The following EPS15 variants were observed in gnomAD, a reference collection of about 807,000 sequenced individuals.
EPS15 encodes epidermal growth factor receptor substrate 15.
A neutral mutation model predicts 113.8 loss-of-function variants in EPS15; 72 were observed. The observed-to-expected ratio is 0.63, with a 90% confidence interval of 0.52 to 0.77. The LOEUF (loss-of-function observed/expected upper bound fraction) is 0.77. EPS15 is among the 30% of genes least tolerant of loss of function. The probability of loss-of-function intolerance (pLI) is 0.00; values close to 1 mark genes in which losing one functional copy is unlikely to be tolerated. For missense variants in EPS15, 1,048 were observed against 1,045.8 expected (o/e 1.00, Z -0.03); for synonymous variants, 344 against 363.4 (o/e 0.95, Z 0.61).
At chr1:51,478,014 ACTGT>A (rs1402975598) in intron 2 of EPS15, among the ~76,000 whole-genome samples, 1 of 151,886 alleles carries the variant, frequency 6.6e-6, no homozygotes, top group African/African-American at 2.4e-5. Flanking sequence ...ATCCTTGTTA[ACTGT>A]CTGTCTCACT....
In EPS15 at chr1:51,519,183, G is replaced by A. The variant is rs773388975; in HGVS notation, c.33+16C>T. The A allele has an allele frequency of 2.1e-6, 3 of 1,440,800 alleles. No homozygotes were observed. Among genetic ancestry groups the A allele is most frequent in the South Asian group, 2.9e-5 (2 of 68,160 alleles). The allele number at this position is 1,440,800 out of a possible 1,614,324, so 89.3% of individuals were successfully genotyped here. On this transcript the variant is annotated intron_variant, in intron 1 of 24. Coordinates refer to ENST00000371733, the MANE Select transcript of EPS15 (RefSeq NM_001981.3). ...CACCGGCCGGCCAAGCCCGGCGGAC[G>A]GGCGTGTGGCGTTACCTGTGTCAGA...
intron 1 of EPS15, chr1:51,490,312 T>C (rs557524897): frequency 2.2e-6 from 1 of 447,486 alleles, no homozygotes; most frequent in Non-Finnish European, 4.5e-6. Context: ...ACACCTATAA[T>C]CCCAGCACTC....
intron 21 of EPS15, among the ~76,000 whole-genome samples, chr1:51,388,717 GAAGA>G (rs1647165984): frequency 2.0e-5 from 3 of 152,168 alleles, no homozygotes; most frequent in Admixed American, 1.3e-4. Context: ...AGAAAATCTA[GAAGA>G]AATGGATAAA....
At chr1:51,488,970 T>C (rs1006240362) in intron 1 of EPS15, among the ~76,000 whole-genome samples, 15 of 152,054 alleles carry the variant, frequency 9.9e-5, no homozygotes, top group African/African-American at 3.6e-4. Flanking sequence ...AGAAGCTATC[T>C]TGGATTGCGA....
rs1409820439 is a variant in EPS15, at chr1:51,483,388, C to G, written c.34-2074G>C. Reference sequence around the variant, plus strand: ...ACACACAGATATATATATTCGAACTCAAGACTGCAAGTGTGTGTGTGTGTG... The same window carrying G: ...ACACACAGATATATATATTCGAACTGAAGACTGCAAGTGTGTGTGTGTGTG... On this transcript the variant is annotated intron_variant, in intron 1 of 24. Coordinates refer to ENST00000371733, the MANE Select transcript of EPS15 (RefSeq NM_001981.3). 2.1e-5 allele frequency among the ~76,000 whole-genome samples: 3 copies of G among 144,188 alleles called. No homozygotes were observed. The East Asian group carries it at 6.1e-4, about 29-fold the overall frequency. 94.6% of individuals were successfully genotyped at this position (144,188 alleles called of 152,430 possible).
intron 2 of EPS15, among the ~76,000 whole-genome samples, chr1:51,479,179 C>G (rs1413540458): frequency 1.3e-5 from 2 of 152,138 alleles, no homozygotes; most frequent in African/African-American, 2.4e-5. Flanking sequence ...TTTCTCTAAA[C>G]TTCTCTTCTC....
At chr1:51,438,812 A>G (rs985563260) in intron 12 of EPS15, among the ~76,000 whole-genome samples, 1 of 152,176 alleles carries the variant, frequency 6.6e-6, no homozygotes, top group Admixed American at 6.5e-5. Flanking sequence ...CTGAACTTAT[A>G]CAACCTGGTT....
At chr1:51,398,342 C>T (rs1007538865) in intron 20 of EPS15, among the ~76,000 whole-genome samples, 3 of 152,094 alleles carry the variant, frequency 2.0e-5, no homozygotes, top group African/African-American at 4.8e-5. Context: ...CGTGAGCCAC[C>T]GCGCCCAGCC....
In EPS15 at chr1:51,361,278, C is replaced by G. The variant is rs777963379; in HGVS notation, c.2437G>C (p.Asp813His). The G allele has an allele frequency of 1.2e-6, 2 of 1,613,756 alleles. No homozygotes were observed. The highest frequency in any genetic ancestry group is 2.2e-5 in the South Asian group (2 of 91,068). Residue 813 changes from aspartate to histidine, a missense_variant, in exon 24 of 25, where the codon GAT becomes CAT. By Grantham distance (81) the Asp-to-His change is moderately conservative. Transcript: ENST00000371733. The part of the protein sequence containing the change: ...NDPFQPFPGN[D>H]SPKEKDPEIF... Reference sequence around the variant, plus strand: ...TCAGGATCTTTTTCTTTGGGGCTATCGTTGCCTGGGAAAGGCTGAAATGGA... The same window carrying G: ...TCAGGATCTTTTTCTTTGGGGCTATGGTTGCCTGGGAAAGGCTGAAATGGA...
At chr1:51,493,528 TTAAATAAATAAATAAATAAATAAA>T (rs200731991) in intron 1 of EPS15, among the ~76,000 whole-genome samples, 27 of 133,434 alleles carry the variant, frequency 2.0e-4, no homozygotes, top group Middle Eastern at 3.6e-3. Context: ...CAGTCTCAAA[TTAAATAAATAAATAAATAAATAAA>T]TAAATAAATA....
chr1:51,485,156 T>C (rs1390198407), intron 1 of EPS15, among the ~76,000 whole-genome samples: 1 of 152,196 alleles, frequency 6.6e-6, no homozygotes, highest in Non-Finnish European at 1.5e-5. Flanking sequence ...GACATCACTA[T>C]TAATGAGTCA....
chr1:51,432,638 A>G (rs1044490000), intron 12 of EPS15, among the ~76,000 whole-genome samples: 2 of 152,138 alleles, frequency 1.3e-5, no homozygotes, highest in African/African-American at 4.8e-5. Flanking sequence ...TACTAACAAC[A>G]CATCTTAAAT....
chr1:51,376,245 A>G (rs761055010), intron 21 of EPS15, among the ~76,000 whole-genome samples: 10 of 152,248 alleles, frequency 6.6e-5, no homozygotes, highest in Non-Finnish European at 1.0e-4. Context: ...ATGAATTAAG[A>G]TAAATTGACA....
At chr1:51,469,790 G>A (rs1352121545) in intron 4 of EPS15, among the ~76,000 whole-genome samples, 1 of 151,704 alleles carries the variant, frequency 6.6e-6, no homozygotes, top group Non-Finnish European at 1.5e-5. Flanking sequence ...TGTGCAATGT[G>A]ACTTCAACTC....
At chr1:51,381,358 C>T (rs1406829537) in intron 21 of EPS15, among the ~76,000 whole-genome samples, 5 of 152,068 alleles carry the variant, frequency 3.3e-5, no homozygotes, top group Admixed American at 6.6e-5. Flanking sequence ...TTTGGGAGGC[C>T]GAGATGGGCA....
intron 6 of EPS15, 138 bp downstream of exon 6, chr1:51,465,123 C>A: frequency 2.0e-6 from 1 of 489,890 alleles, no homozygotes; most frequent in East Asian, 3.2e-5. Flanking sequence ...CCCTCAGAAA[C>A]ACCAGTAACA....
chr1:51,409,764 A>G, intron 13 of EPS15, 68 bp from the exon 14 acceptor site: 2 of 1,057,176 alleles, frequency 1.9e-6, no homozygotes, highest in Non-Finnish European at 2.8e-6. Context: ...TAGTAATTTT[A>G]AATCTACCTT....
Position 51,355,043 on chromosome 1 carries a change from T to C in EPS15, c.*1657A>G, listed in dbSNP as rs1232869413. Reference sequence around the variant, plus strand: ...GAAAATCCTTAGGTCACTGGATTCGTTTATCAAAATTAAGCCTTGTGATTA... The same window carrying C: ...GAAAATCCTTAGGTCACTGGATTCGCTTATCAAAATTAAGCCTTGTGATTA... On this transcript the variant is annotated 3_prime_UTR_variant, in exon 25 of 25. Transcript: ENST00000371733. The C allele has an allele frequency of 1.8e-5, 4 of 222,650 alleles. No individual in the cohort carries two copies. Among genetic ancestry groups the C allele is most frequent in the Middle Eastern group, 1.4e-3 (1 of 738 alleles). The allele number at this position is 222,650 out of a possible 1,614,324, so 13.8% of individuals were successfully genotyped here.
At chr1:51,404,237 T>G (rs1005552662) in intron 16 of EPS15, among the ~76,000 whole-genome samples, 8 of 151,936 alleles carry the variant, frequency 5.3e-5, no homozygotes, top group Non-Finnish European at 1.2e-4. Context: ...TCCCAGCTAC[T>G]CGGGAGGCTG....
Sources: gnomAD v4.1 joint callset for allele counts (sites outside exome capture counted in the v4.1 genomes callset) on GRCh38, gnomAD v4.1.1 for gene constraint, MANE v1.5 for transcripts, NCBI Gene and HGNC (gene_info 2026-07-23, HGNC 2026-07-21) for gene names.